Variants in ZNF676 observed in about 807,000 individuals in gnomAD.
ZNF676 encodes the protein zinc finger protein 676.
In ZNF676, 4 loss-of-function variants were observed where a neutral mutation model predicts 6.0. The ratio of observed to expected loss-of-function variants is 0.67; its 90% CI spans 0.33 to 1.53. The LOEUF (loss-of-function observed/expected upper bound fraction) is 1.53, where lower values mean the gene tolerates loss of function less well. Ranked by LOEUF, ZNF676 falls within the 40% of genes most tolerant of loss-of-function variation. The pLI, the probability that ZNF676 is intolerant of heterozygous loss-of-function variation, is 0.06. For missense variants in ZNF676, 644 were observed against 679.7 expected (o/e 0.95, Z 0.58); for synonymous variants, 198 against 223.1 (o/e 0.89, Z 1.00).
the ZNF676 span, among the ~76,000 whole-genome samples, chr19:22,257,343 G>C: frequency 1.3e-5 from 2 of 152,008 alleles, no homozygotes; most frequent in African/African-American, 4.8e-5. Flanking sequence ...TCTAGTCAGG[G>C]TCAAGGTAAA....
At position 22,180,016 on chromosome 19, in the gene ZNF676, G is replaced by A. The variant is rs2023708030; in HGVS notation, c.1701C>T (p.Gly567=). 6.8e-6 allele frequency: 11 copies of A among 1,613,472 alleles called. No individual in the cohort carries two copies. In the East Asian group the frequency reaches 2.2e-4, roughly 33 times the overall value. The change falls in exon 3 of 3, where the codon GGC becomes GGT. Residue 567 remains glycine (G), a synonymous_variant. Transcript: ENST00000397121. ...GEKPYKCEEC[G]KAFKSSSTVS... ...CAGTTGAGGATGACTTAAAAGCTTT[G>A]CCACATTCTTCACATTTGTAGGGTT...
At chr19:22,240,249 G>A in the ZNF676 span, among the ~76,000 whole-genome samples, 1 of 152,002 alleles carries the variant, frequency 6.6e-6, no homozygotes, top group Non-Finnish European at 1.5e-5. Flanking sequence ...GCTGGACCCT[G>A]TGATAAGTTA....
At chr19:22,204,319 GA>G (rs983258504) in intron 1 of ZNF676, among the ~76,000 whole-genome samples, 2 of 152,072 alleles carry the variant, frequency 1.3e-5, no homozygotes, top group African/African-American at 4.8e-5. Flanking sequence ...ATGTATGTAA[GA>G]TTTTTTAAAA....
chr19:22,257,645 A>G, the ZNF676 span, among the ~76,000 whole-genome samples: 1 of 152,206 alleles, frequency 6.6e-6, no homozygotes, highest in Admixed American at 6.5e-5. Flanking sequence ...CCCAGGCAGG[A>G]GAGGAGAGTC....
intron 1 of ZNF676, among the ~76,000 whole-genome samples, chr19:22,210,836 C>T (rs1432779994): frequency 2.6e-5 from 4 of 152,108 alleles, no homozygotes; most frequent in African/African-American, 4.8e-5. Flanking sequence ...ACTCTCAGTC[C>T]GAGCCACCAT....
chr19:22,239,829 C>T, the ZNF676 span, among the ~76,000 whole-genome samples: 1 of 152,128 alleles, frequency 6.6e-6, no homozygotes, highest in African/African-American at 2.4e-5. Flanking sequence ...CACAATGTCC[C>T]CTTTGGATGG....
chr19:22,199,231 C>T (rs183371117), upstream of ZNF676, among the ~76,000 whole-genome samples: 34 of 152,230 alleles, frequency 2.2e-4, no homozygotes, highest in Non-Finnish European at 8.8e-5. Flanking sequence ...TAAACAAGTG[C>T]GCTGTCAATA....
the ZNF676 span, among the ~76,000 whole-genome samples, chr19:22,237,942 G>T: frequency 6.6e-6 from 1 of 152,140 alleles, no homozygotes; most frequent in African/African-American, 2.4e-5. Context: ...GTTTGTGTGT[G>T]TTTTTCCACA....
the ZNF676 span, among the ~76,000 whole-genome samples, chr19:22,246,094 T>C: frequency 1.3e-5 from 2 of 152,056 alleles, no homozygotes; most frequent in Admixed American, 1.3e-4. Flanking sequence ...CTAAGTTTAG[T>C]GATATGTTAC....
intron 2 of ZNF676, among the ~76,000 whole-genome samples, chr19:22,188,359 T>A (rs1263839446): frequency 6.6e-6 from 1 of 152,116 alleles, no homozygotes; most frequent in Non-Finnish European, 1.5e-5. Flanking sequence ...ATGGAACATA[T>A]CTCAAAATAA....
chr19:22,232,296 T>G, the ZNF676 span, among the ~76,000 whole-genome samples: 1 of 151,954 alleles, frequency 6.6e-6, no homozygotes, highest in Non-Finnish European at 1.5e-5. Context: ...GCCTCCCGAG[T>G]AGCTGGGAGA....
the ZNF676 span, among the ~76,000 whole-genome samples, chr19:22,226,862 G>A: frequency 1.3e-5 from 2 of 152,092 alleles, no homozygotes; most frequent in African/African-American, 4.8e-5. Flanking sequence ...GCCTCCCAAA[G>A]TTCTCGGGTT....
chr19:22,188,895 GA>G (rs1484183147), intron 2 of ZNF676, among the ~76,000 whole-genome samples: 3 of 151,980 alleles, frequency 2.0e-5, no homozygotes, highest in Non-Finnish European at 4.4e-5. Flanking sequence ...TCATGCATAG[GA>G]ACAATCAATA....
In ZNF676 at chr19:22,196,803, G is replaced by C. The variant is rs930941900; in HGVS notation, c.-170C>G. ...TTTTAATGTGACTCAAGGTAAAATGGAGAGAGTAGAGAGAGCTGGTTCTGA... is the reference window on the plus strand; with the variant it reads ...TTTTAATGTGACTCAAGGTAAAATGCAGAGAGTAGAGAGAGCTGGTTCTGA... On this transcript the variant is annotated 5_prime_UTR_variant, in exon 1 of 3. Transcript: ENST00000397121. 2 of 1,241,018 alleles carry C rather than the reference G, an allele frequency of 1.6e-6. No individual in the cohort carries two copies. The highest frequency in any genetic ancestry group is 2.3e-6 in the Non-Finnish European group (2 of 868,786). 76.9% of individuals were successfully genotyped at this position (1,241,018 alleles called of 1,614,324 possible). A position where few individuals can be genotyped will look rare whatever the true frequency, so the allele number is the denominator to read the frequency against.
intron 2 of ZNF676, among the ~76,000 whole-genome samples, chr19:22,185,017 C>T (rs558776940): frequency 6.6e-6 from 1 of 152,166 alleles, no homozygotes; most frequent in South Asian, 2.1e-4. Flanking sequence ...TCAAGCGCTG[C>T]TAAGGGTCAT....
chr19:22,224,085 G>A, the ZNF676 span, among the ~76,000 whole-genome samples: 1 of 150,482 alleles, frequency 6.6e-6, no homozygotes, highest in African/African-American at 2.4e-5. Flanking sequence ...GCCATGCAGT[G>A]CATGCCGATG....
At chr19:22,209,020 C>T (rs1045653663) in intron 1 of ZNF676, among the ~76,000 whole-genome samples, 2 of 152,128 alleles carry the variant, frequency 1.3e-5, no homozygotes, top group Non-Finnish European at 2.9e-5. Context: ...AATCCCAGCA[C>T]TTTGGGAGGC....
chr19:22,235,097 A>AAGGAAGTC, the ZNF676 span, among the ~76,000 whole-genome samples: 37 of 134,534 alleles, frequency 2.8e-4, no homozygotes, highest in African/African-American at 6.3e-5. Context: ...AGGCAGGAAG[A>AAGGAAGTC]AGGAAGTCAG....
chr19:22,253,967 G>A, the ZNF676 span, among the ~76,000 whole-genome samples: 3 of 152,270 alleles, frequency 2.0e-5, no homozygotes, highest in South Asian at 2.1e-4. Flanking sequence ...TCCTAAGTCT[G>A]GTTATGGGAG....
Sources: gnomAD v4.1 joint callset for allele counts (sites outside exome capture counted in the v4.1 genomes callset) on GRCh38, gnomAD v4.1.1 for gene constraint, MANE v1.5 for transcripts, NCBI Gene and HGNC (gene_info 2026-07-23, HGNC 2026-07-21) for gene names.